Variants in KCNMB2 observed in about 807,000 individuals in gnomAD.
KCNMB2 encodes potassium calcium-activated channel subfamily M regulatory beta subunit 2.
KCNMB2 carries 9 observed loss-of-function variants against 24.5 expected under a neutral mutation model. The ratio of observed to expected loss-of-function variants is 0.37; its 90% CI spans 0.22 to 0.64. The LOEUF (loss-of-function observed/expected upper bound fraction) is 0.64. Ranked by LOEUF, KCNMB2 falls within the 30% of genes least tolerant of loss-of-function variation. KCNMB2 has a pLI of 0.63. For synonymous variants in KCNMB2, 109 were observed against 104.4 expected (o/e 1.04, Z -0.27); for missense variants, 226 against 284.3 (o/e 0.79, Z 1.47).
intron 1 of KCNMB2, among the ~76,000 whole-genome samples, chr3:178,607,288 T>C (rs1393023913): frequency 6.6e-6 from 1 of 152,200 alleles, no homozygotes; most frequent in Non-Finnish European, 1.5e-5. Flanking sequence ...GACGGAGCCC[T>C]AAAGATTCTG....
intron 1 of KCNMB2, among the ~76,000 whole-genome samples, chr3:178,723,061 A>G (rs1399891728): frequency 6.6e-6 from 1 of 152,182 alleles, no homozygotes; most frequent in Non-Finnish European, 1.5e-5. Flanking sequence ...TAGACTCTCC[A>G]TTCAATTTCA....
At chr3:178,661,391 G>A (rs1465552687) in intron 1 of KCNMB2, among the ~76,000 whole-genome samples, 1 of 152,076 alleles carries the variant, frequency 6.6e-6, no homozygotes, top group Admixed American at 6.6e-5. Context: ...CTACATTGAT[G>A]GGCATCTTGG....
chr3:178,575,771 G>A (rs1395971875), intron 1 of KCNMB2, among the ~76,000 whole-genome samples: 2 of 152,142 alleles, frequency 1.3e-5, no homozygotes, highest in East Asian at 3.9e-4. Flanking sequence ...TGATGTGTGA[G>A]GGAGAGAAAA....
Position 178,629,490 on chromosome 3 carries a change from G to A in KCNMB2, c.-68+92779G>A, listed in dbSNP as rs113854202. 1.7e-4 allele frequency among the ~76,000 whole-genome samples: 26 copies of A among 152,168 alleles called. 1 individual carries two copies. Among genetic ancestry groups the A allele is most frequent in the African/African-American group, 6.3e-4 (26 of 41,538 alleles). On this transcript the variant is annotated intron_variant, in intron 1 of 4. Transcript: ENST00000452583. ...GATGTTACTTGGTTGGGGTGAGAAT[G>A]GGGTGGTTGCAAGGCATAAGAGGTG...
chr3:178,815,023 A>C (rs1714348880), intron 2 of KCNMB2, among the ~76,000 whole-genome samples: 1 of 137,150 alleles, frequency 7.3e-6, no homozygotes, highest in African/African-American at 3.3e-5. Flanking sequence ...ACTTTTGAGC[A>C]CTGTCTTTTT....
At chr3:178,603,256 G>A (rs1166190776) in intron 1 of KCNMB2, among the ~76,000 whole-genome samples, 1 of 152,122 alleles carries the variant, frequency 6.6e-6, no homozygotes, top group Non-Finnish European at 1.5e-5. Flanking sequence ...TATTTCAAAT[G>A]TATATATCAG....
chr3:178,780,193 T>C (rs917187342), intron 1 of KCNMB2, among the ~76,000 whole-genome samples: 1 of 152,192 alleles, frequency 6.6e-6, no homozygotes, highest in East Asian at 1.9e-4. Flanking sequence ...CTGAACTCCT[T>C]TGAAGCAATC....
At chr3:178,580,054 G>A (rs1428240913) in intron 1 of KCNMB2, among the ~76,000 whole-genome samples, 2 of 152,124 alleles carry the variant, frequency 1.3e-5, no homozygotes, top group African/African-American at 4.8e-5. Flanking sequence ...AAACCTGGCA[G>A]ACACAAAACA....
chr3:178,763,754 G>A (rs975283486), intron 1 of KCNMB2, among the ~76,000 whole-genome samples: 4 of 152,162 alleles, frequency 2.6e-5, no homozygotes, highest in Non-Finnish European at 5.9e-5. Context: ...ACACCACTGT[G>A]TAGTGGTAGA....
chr3:178,812,125 G>A (rs1045516388), intron 2 of KCNMB2, among the ~76,000 whole-genome samples: 17 of 152,088 alleles, frequency 1.1e-4, no homozygotes, highest in African/African-American at 3.9e-4. Flanking sequence ...CTTTATAAAA[G>A]TCCATATTAA....
chr3:178,583,004 C>T (rs1717272924), intron 1 of KCNMB2, among the ~76,000 whole-genome samples: 1 of 152,052 alleles, frequency 6.6e-6, no homozygotes, highest in Admixed American at 6.6e-5. Context: ...AAATAAGAAT[C>T]CAATGATATT....
At chr3:178,774,393 T>C (rs1009726627) in intron 1 of KCNMB2, among the ~76,000 whole-genome samples, 1 of 152,204 alleles carries the variant, frequency 6.6e-6, no homozygotes, top group Non-Finnish European at 1.5e-5. Context: ...CCCAGGTTCC[T>C]GTTCCATATA....
chr3:178,628,921 T>C (rs1312632074), intron 1 of KCNMB2, among the ~76,000 whole-genome samples: 1 of 152,196 alleles, frequency 6.6e-6, no homozygotes, highest in Non-Finnish European at 1.5e-5. Flanking sequence ...GAGCACGAAC[T>C]ACTTTTACCA....
chr3:178,617,043 T>G (rs1388837067), intron 1 of KCNMB2, among the ~76,000 whole-genome samples: 2 of 152,146 alleles, frequency 1.3e-5, no homozygotes, highest in African/African-American at 2.4e-5. Flanking sequence ...TTTATTTTTG[T>G]TTTTTTCCTA....
At chr3:178,633,301 C>T (rs2108540194) in intron 1 of KCNMB2, among the ~76,000 whole-genome samples, 1 of 152,340 alleles carries the variant, frequency 6.6e-6, no homozygotes, top group South Asian at 2.1e-4. Context: ...CATTTCCCTT[C>T]TGCACTGCCC....
At chr3:178,542,372 T>A (rs1449466357) in intron 1 of KCNMB2, among the ~76,000 whole-genome samples, 1 of 152,146 alleles carries the variant, frequency 6.6e-6, no homozygotes. Context: ...TTAGAGTAAC[T>A]GGATCAGAGG....
chr3:178,594,241 T>A (rs1717784933), intron 1 of KCNMB2, among the ~76,000 whole-genome samples: 1 of 152,060 alleles, frequency 6.6e-6, no homozygotes, highest in Admixed American at 6.6e-5. Context: ...ATAATTGGTA[T>A]GATCTGTTTT....
intron 1 of KCNMB2, among the ~76,000 whole-genome samples, chr3:178,690,973 T>C (rs775532473): frequency 2.0e-5 from 3 of 152,150 alleles, no homozygotes; most frequent in Non-Finnish European, 2.9e-5. Flanking sequence ...AGTCTCACTC[T>C]GCCTCCCAGG....
chr3:178,666,926 T>C (rs1388982936), intron 1 of KCNMB2, among the ~76,000 whole-genome samples: 1 of 152,160 alleles, frequency 6.6e-6, no homozygotes, highest in East Asian at 1.9e-4. Context: ...GTTCCTTACA[T>C]AAAATGATGT....
Sources: gnomAD v4.1 joint callset for allele counts (sites outside exome capture counted in the v4.1 genomes callset) on GRCh38, gnomAD v4.1.1 for gene constraint, MANE v1.5 for transcripts, NCBI Gene and HGNC (gene_info 2026-07-23, HGNC 2026-07-21) for gene names.